ARHGEF17: variants seen among roughly 807,000 people sequenced by gnomAD.
ARHGEF17 encodes 164 kDa Rho-specific guanine-nucleotide exchange factor.
A neutral mutation model predicts 174.0 loss-of-function variants in ARHGEF17; 80 were observed. The ratio of observed to expected loss-of-function variants is 0.46; its 90% CI spans 0.38 to 0.55. The LOEUF (loss-of-function observed/expected upper bound fraction) is 0.55, where lower values mean the gene tolerates loss of function less well. Among genes scored for constraint, ARHGEF17 ranks in the 20% least tolerant of loss-of-function variants. The pLI, the probability that ARHGEF17 is intolerant of heterozygous loss-of-function variation, is 0.00. For synonymous variants in ARHGEF17, 1,311 were observed against 1,189.1 expected, an observed-to-expected ratio of 1.10 and a Z score of -2.11; for missense variants, 2,886 against 2,839.7, an observed-to-expected ratio of 1.02 and a Z score of -0.37.
chr11:73,344,720 G>A (rs995278024), intron 1 of ARHGEF17, among the ~76,000 whole-genome samples: 2 of 152,246 alleles, frequency 1.3e-5, no homozygotes, highest in African/African-American at 4.8e-5. Flanking sequence ...GGGGTTATTA[G>A]CTCCATTTCA....
intron 1 of ARHGEF17, among the ~76,000 whole-genome samples, chr11:73,327,283 T>A (rs1419676328): frequency 3.3e-5 from 5 of 152,220 alleles, no homozygotes; most frequent in Non-Finnish European, 5.9e-5. Context: ...GTGCACCCTG[T>A]CTCAGCCCAG....
At chr11:73,316,208 A>G (rs982348199) in intron 1 of ARHGEF17, among the ~76,000 whole-genome samples, 1 of 152,220 alleles carries the variant, frequency 6.6e-6, no homozygotes, top group Non-Finnish European at 1.5e-5. Context: ...GGAAAGAAAT[A>G]TGGCAGGTTG....
chr11:73,332,973 T>C (rs1865232624), intron 1 of ARHGEF17, among the ~76,000 whole-genome samples: 1 of 152,064 alleles, frequency 6.6e-6, no homozygotes, highest in African/African-American at 2.4e-5. Flanking sequence ...TGTAATTTGC[T>C]CACAGTCCCA....
At position 73,363,302 on chromosome 11, in the gene ARHGEF17, G is replaced by A; in HGVS notation, c.5093G>A (p.Gly1698Glu). Residue 1698 changes from glycine (G) to glutamate (E), a missense_variant, in exon 15 of 21, where the codon GGG becomes GAG. Gly to Glu is a moderately conservative substitution (Grantham distance 98). This residue lies in a region of ARHGEF17 where 476 missense variants were observed against 473.1 expected (regional missense o/e 1.01). Coordinates refer to ENST00000263674, the MANE Select transcript of ARHGEF17 (RefSeq NM_014786.4). ...PGFLPLSGSFGPGGPCGTSPM... is the reference protein window; with the variant it reads ...PGFLPLSGSFEPGGPCGTSPM... Reference sequence around the variant, plus strand: ...TTCCTGCCACTGTCTGGCTCCTTTGGGCCTGGTGGTCCCTGCGGCACCAGC... The same window carrying A: ...TTCCTGCCACTGTCTGGCTCCTTTGAGCCTGGTGGTCCCTGCGGCACCAGC... 6.2e-7 allele frequency: 1 copy of A among 1,612,608 alleles called. No homozygotes were observed. Among genetic ancestry groups the A allele is most frequent in the Non-Finnish European group, 8.5e-7 (1 of 1,179,682 alleles).
At chr11:73,358,368 A>G (rs1299143148) in intron 9 of ARHGEF17, among the ~76,000 whole-genome samples, 1 of 151,944 alleles carries the variant, frequency 6.6e-6, no homozygotes, top group Non-Finnish European at 1.5e-5. Context: ...TTGGCAAACA[A>G]GCTCCTTCAG....
rs760986858 is a variant in ARHGEF17, at chr11:73,347,053, A to G, written c.3270+93A>G. ...AGCAAACCCCTTTCATGGACAAGGG[A>G]CTGAGGCCAGAGAGCCGTGTCCCTG... On this transcript the variant is annotated intron_variant, in intron 2 of 20. Transcript: ENST00000263674. 8.0e-6 allele frequency: 10 copies of G among 1,251,126 alleles called. No individual in the cohort carries two copies. The African/African-American group carries it at 1.5e-4, about 19-fold the overall frequency. 77.5% of individuals were successfully genotyped at this position (1,251,126 alleles called of 1,614,324 possible). A position where few individuals can be genotyped will look rare whatever the true frequency, so the allele number is the denominator to read the frequency against.
rs1235489883 is a variant in ARHGEF17 at position 73,310,598 on chromosome 11, C to G, written c.1960C>G (p.Pro654Ala). Reference sequence around the variant, plus strand: ...TGAAGGCATTGGGGCAGACCCTGAGCCTCCTGTTGCAGCATTTTGCGGCCT... The same window carrying G: ...TGAAGGCATTGGGGCAGACCCTGAGGCTCCTGTTGCAGCATTTTGCGGCCT... ...TDEGIGADPE[P>A]PVAAFCGLGT... The change falls in exon 1 of 21, where the codon CCT becomes GCT. Residue 654 changes from proline (P) to alanine (A), a missense_variant. Coordinates refer to ENST00000263674, the MANE Select transcript of ARHGEF17 (RefSeq NM_014786.4). 6.2e-7 allele frequency: 1 copy of G among 1,614,134 alleles called. No homozygotes were observed.
rs141958792 is a variant in ARHGEF17, at chr11:73,311,644, G to A, written c.3006G>A (p.Ser1002=). ...TRAHPTLQAP[S]LEDVTKQYML... Reference sequence around the variant, plus strand: ...CCCATCCCACGTTGCAGGCACCATCGCTCGAGGACGTCACCAAGCAGTACA... The same window carrying A: ...CCCATCCCACGTTGCAGGCACCATCACTCGAGGACGTCACCAAGCAGTACA... Residue 1002 remains serine (S), a synonymous_variant, in exon 1 of 21, where the codon TCG becomes TCA. Transcript: ENST00000263674. 606 of 1,613,296 alleles carry A rather than the reference G, an allele frequency of 3.8e-4. 3 individuals carry two copies. In the African/African-American group the frequency reaches 7.1e-3, roughly 19 times the overall value.
chr11:73,360,427 G>T lies in ARHGEF17; in HGVS notation c.4314G>T (p.Leu1438=). Residue 1438 remains leucine, a synonymous_variant, in exon 11 of 21, where the codon CTG becomes CTT. Coordinates refer to ENST00000263674, the MANE Select transcript of ARHGEF17 (RefSeq NM_014786.4). ...ALSFPPTKLE[L]CATRPEGTDS... ...CCTTCCCGCCAACCAAGCTGGAGCT[G>T]TGCGCCACTCGGCCCGAGGGCACCG... 6.2e-7 allele frequency: 1 copy of T among 1,614,026 alleles called. No homozygotes were observed. The highest frequency in any genetic ancestry group is 1.1e-5 in the South Asian group (1 of 91,092).
At chr11:73,318,067 GT>G (rs1864956808) in intron 1 of ARHGEF17, among the ~76,000 whole-genome samples, 1 of 152,120 alleles carries the variant, frequency 6.6e-6, no homozygotes, top group Admixed American at 6.5e-5. Context: ...TCCCAGGGCT[GT>G]TGGGAAAGGA....
intron 3 of ARHGEF17, among the ~76,000 whole-genome samples, chr11:73,355,014 A>G (rs564888815): frequency 6.6e-6 from 1 of 152,384 alleles, no homozygotes; most frequent in South Asian, 2.1e-4. Flanking sequence ...CGTACCAGGC[A>G]GAGCTCTAGT....
intron 1 of ARHGEF17, among the ~76,000 whole-genome samples, chr11:73,324,827 G>A (rs1297283212): frequency 6.6e-6 from 1 of 152,228 alleles, no homozygotes; most frequent in African/African-American, 2.4e-5. Context: ...CCAGCACATA[G>A]TAGTTGCTCA....
chr11:73,329,642 C>T (rs1011155371), intron 1 of ARHGEF17, among the ~76,000 whole-genome samples: 1 of 151,856 alleles, frequency 6.6e-6, no homozygotes, highest in Non-Finnish European at 1.5e-5. Flanking sequence ...TCAGGCGATC[C>T]GCCTGCCTCA....
intron 18 of ARHGEF17, 32 bp downstream of exon 18, chr11:73,364,632 C>T: frequency 6.3e-7 from 1 of 1,591,896 alleles, no homozygotes; most frequent in Non-Finnish European, 8.5e-7. Flanking sequence ...GAATTGGTGC[C>T]ATGGGATGAG....
At chr11:73,315,722 C>G (rs966868455) in intron 1 of ARHGEF17, among the ~76,000 whole-genome samples, 2 of 152,122 alleles carry the variant, frequency 1.3e-5, no homozygotes, top group Non-Finnish European at 2.9e-5. Flanking sequence ...CTCCTCCCAA[C>G]TCCTTCCTAA....
intron 4 of ARHGEF17, 43 bp downstream of exon 4, chr11:73,355,692 TG>T (rs1254410154): frequency 6.3e-7 from 1 of 1,591,474 alleles, no homozygotes; most frequent in Admixed American, 1.7e-5. Flanking sequence ...ACCCTCACCT[TG>T]GGCCAGCTTT....
At position 73,360,521 on chromosome 11, in the gene ARHGEF17, A is replaced by C; in HGVS notation, c.4408A>C (p.Lys1470Gln). The C allele has an allele frequency of 6.2e-7, 1 of 1,613,830 alleles. No homozygotes were observed. Among genetic ancestry groups the C allele is most frequent in the South Asian group, 1.1e-5 (1 of 91,090 alleles). The change falls in exon 11 of 21, where the codon AAG becomes CAG. Residue 1470 changes from lysine to glutamine, a missense_variant. By Grantham distance (53) the Lys-to-Gln change is moderately conservative (BLOSUM62 1). Around this residue, in one of 4 missense-constraint regions of ARHGEF17, gnomAD observed 476 missense variants for 473.1 expected, o/e 1.01. Transcript: ENST00000263674. ...LGFEQAFDEA[K>Q]RKLASSKSCL... is the part of the protein sequence containing the mutation. ...TTTTGAACAGGCCTTCGATGAGGCC[A>C]AGAGGAAGCTGGGTAAGCCAAGGCA...
intron 1 of ARHGEF17, among the ~76,000 whole-genome samples, chr11:73,329,897 G>A (rs1200767457): frequency 6.6e-6 from 1 of 152,144 alleles, no homozygotes; most frequent in East Asian, 1.9e-4. Flanking sequence ...CTGTCCATGG[G>A]GGTCTGCCAT....
At chr11:73,354,607 C>T (rs572759054) in intron 3 of ARHGEF17, among the ~76,000 whole-genome samples, 4 of 151,946 alleles carry the variant, frequency 2.6e-5, no homozygotes, top group African/African-American at 7.2e-5. Flanking sequence ...CCAGCTACTC[C>T]GGAGGCTGAG....
Sources: allele counts gnomAD v4.1 joint callset (sites outside exome capture counted in the v4.1 genomes callset), GRCh38; gene constraint gnomAD v4.1.1; regional missense constraint gnomAD v4.1.1; transcripts MANE v1.5; gene names NCBI Gene and HGNC (gene_info 2026-07-23, HGNC 2026-07-21).